Variants in ITPR1 observed in about 807,000 individuals in gnomAD.
ITPR1 encodes the protein inositol 1,4,5-trisphosphate-gated calcium channel ITPR1.
A neutral mutation model predicts 318.4 loss-of-function variants in ITPR1; 96 were observed. That is an observed-to-expected ratio of 0.30 (90% CI 0.26 to 0.36). The LOEUF is 0.36. ITPR1 is among the 10% of genes least tolerant of loss of function. The probability of loss-of-function intolerance (pLI) is 1.00; values close to 1 mark genes in which losing one functional copy is unlikely to be tolerated. For synonymous variants in ITPR1, 1,312 were observed against 1,289.9 expected, an observed-to-expected ratio of 1.02 and a Z score of -0.37; for missense variants, 2,440 against 3,460.2, an observed-to-expected ratio of 0.71 and a Z score of 7.40.
At chr3:4,566,809 A>G (rs1266422166) in intron 4 of ITPR1, among the ~76,000 whole-genome samples, 1 of 152,182 alleles carries the variant, frequency 6.6e-6, no homozygotes. Context: ...TGTTGGCACC[A>G]AGAGTAGTCA....
intron 4 of ITPR1, among the ~76,000 whole-genome samples, chr3:4,603,446 T>C (rs111734004): frequency 0.027 from 4,137 of 152,188 alleles, 193 homozygotes; most frequent in African/African-American, 0.093. Context: ...GTTTTTGTTT[T>C]TGAGACAGAG....
At chr3:4,818,703 G>A (rs79086310) in intron 60 of ITPR1, among the ~76,000 whole-genome samples, 322 of 152,258 alleles carry the variant, frequency 2.1e-3, no homozygotes, top group Admixed American at 5.2e-3. Context: ...CGCCTTTCTG[G>A]GAGACACTCT....
chr3:4,567,491 C>G (rs17758821), intron 4 of ITPR1, among the ~76,000 whole-genome samples: 56,246 of 151,886 alleles, frequency 0.37, 10,607 homozygotes, highest in East Asian at 0.63. Context: ...GACTCCAAGT[C>G]GAAACTGAGA....
rs560918202 is a variant in ITPR1 at position 4,804,349 on chromosome 3, C to T, written c.7108-1754C>T. The stretch of plus-strand genomic sequence containing the variant: ...GGGTGCGCTGGGAGACTTGTCACGC[C>T]GCAGGGAGCTGGGAAAGATGCTAAG... On this transcript the variant is annotated intron_variant, in intron 54 of 61. Coordinates refer to ENST00000649015, the MANE Select transcript of ITPR1 (RefSeq NM_001378452.1). 2.6e-4 allele frequency among the ~76,000 whole-genome samples: 40 copies of T among 152,208 alleles called. No homozygotes were observed. In the South Asian group the frequency reaches 6.6e-3, roughly 25 times the overall value.
chr3:4,544,101 A>C (rs1050774209), intron 4 of ITPR1, among the ~76,000 whole-genome samples: 1 of 152,002 alleles, frequency 6.6e-6, no homozygotes, highest in Non-Finnish European at 1.5e-5. Flanking sequence ...GTCTACTTTT[A>C]TTTCATTAGT....
At chr3:4,816,967 C>A (rs1156741216) in intron 59 of ITPR1, among the ~76,000 whole-genome samples, 1 of 152,024 alleles carries the variant, frequency 6.6e-6, no homozygotes, top group East Asian at 1.9e-4. Flanking sequence ...GTTTATATTT[C>A]TGTGTTTGTA....
At chr3:4,706,884 A>C (rs976359563) in intron 37 of ITPR1, among the ~76,000 whole-genome samples, 4 of 152,228 alleles carry the variant, frequency 2.6e-5, no homozygotes, top group African/African-American at 9.6e-5. Context: ...GATGTTAAGC[A>C]CTTAAACATG....
chr3:4,518,934 G>A (rs1376443732), intron 3 of ITPR1, among the ~76,000 whole-genome samples: 2 of 152,128 alleles, frequency 1.3e-5, no homozygotes, highest in African/African-American at 2.4e-5. Flanking sequence ...AAAACAAGAC[G>A]GGCAGGATTC....
At chr3:4,742,894 G>A (rs1559813663) in intron 44 of ITPR1, among the ~76,000 whole-genome samples, 1 of 152,186 alleles carries the variant, frequency 6.6e-6, no homozygotes, top group Non-Finnish European at 1.5e-5. Context: ...GGGACGCTCT[G>A]TCTTATGTTA....
intron 18 of ITPR1, among the ~76,000 whole-genome samples, chr3:4,667,769 G>A (rs1425281797): frequency 6.6e-6 from 1 of 152,122 alleles, no homozygotes; most frequent in Admixed American, 6.5e-5. Flanking sequence ...ATGAGCTTGG[G>A]TTTTTTCCTG....
At chr3:4,728,075 T>G (rs936985509) in intron 42 of ITPR1, among the ~76,000 whole-genome samples, 2 of 152,242 alleles carry the variant, frequency 1.3e-5, no homozygotes, top group African/African-American at 4.8e-5. Flanking sequence ...GTTCCTCAAA[T>G]TAACAGGTGG....
intron 30 of ITPR1, 102 bp from the exon 31 acceptor site, chr3:4,688,393 C>A: frequency 1.4e-6 from 2 of 1,437,720 alleles, no homozygotes; most frequent in Admixed American, 1.8e-5. Flanking sequence ...AGGTCCCCAG[C>A]AAACACCTTC....
intron 42 of ITPR1, among the ~76,000 whole-genome samples, chr3:4,731,743 C>T (rs185471972): frequency 2.5e-4 from 38 of 152,274 alleles, no homozygotes; most frequent in African/African-American, 7.7e-4. Flanking sequence ...CCTTGGTCCC[C>T]CACTTCTCCC....
chr3:4,810,030 A>G (rs919031291), intron 55 of ITPR1, among the ~76,000 whole-genome samples: 1 of 152,224 alleles, frequency 6.6e-6, no homozygotes, highest in Non-Finnish European at 1.5e-5. Context: ...CGACCGGAAA[A>G]TGACCTCAGA....
intron 2 of ITPR1, among the ~76,000 whole-genome samples, chr3:4,514,964 T>G (rs1431896630): frequency 6.6e-6 from 1 of 152,230 alleles, no homozygotes; most frequent in African/African-American, 2.4e-5. Context: ...ACCGTCCTTC[T>G]GTACATTATT....
At chr3:4,517,726 A>G (rs1575385436) in intron 3 of ITPR1, among the ~76,000 whole-genome samples, 1 of 152,032 alleles carries the variant, frequency 6.6e-6, no homozygotes, top group South Asian at 2.1e-4. Flanking sequence ...ACCCTTAACA[A>G]TTTATCTTCT....
chr3:4,729,700 A>G (rs1575041902), intron 42 of ITPR1, among the ~76,000 whole-genome samples: 1 of 152,216 alleles, frequency 6.6e-6, no homozygotes, highest in Admixed American at 6.5e-5. Context: ...ATTACTCCAC[A>G]TCACTAATCT....
At chr3:4,687,126 A>G (rs185146303) in intron 30 of ITPR1, among the ~76,000 whole-genome samples, 1 of 152,178 alleles carries the variant, frequency 6.6e-6, no homozygotes, top group African/African-American at 2.4e-5. Flanking sequence ...CTAATCCACC[A>G]CCTGTTTTGA....
At chr3:4,601,461 C>G (rs755464593) in intron 4 of ITPR1, among the ~76,000 whole-genome samples, 1 of 150,478 alleles carries the variant, frequency 6.6e-6, no homozygotes, top group Non-Finnish European at 1.5e-5. Context: ...CGAGGCTGCA[C>G]TGCACTGTAG....
Sources: allele counts gnomAD v4.1 joint callset (sites outside exome capture counted in the v4.1 genomes callset), GRCh38; gene constraint gnomAD v4.1.1; transcripts MANE v1.5; gene names NCBI Gene and HGNC (gene_info 2026-07-23, HGNC 2026-07-21).